Variants in SCN2A observed in about 807,000 individuals in gnomAD.
SCN2A encodes sodium voltage-gated channel alpha subunit 2.
Under a neutral mutation model 188.7 loss-of-function variants are expected in SCN2A, and 20 were observed. The observed-to-expected ratio is 0.11, with a 90% CI of 0.07 to 0.15. The LOEUF is 0.15. Among genes scored for constraint, SCN2A ranks in the 10% least tolerant of loss-of-function variants. SCN2A has a pLI of 1.00. For missense variants in SCN2A, 1,278 were observed against 2,445.0 expected (o/e 0.52, Z 10.07); for synonymous variants, 804 against 833.1 (o/e 0.97, Z 0.60).
intron 1 of SCN2A, chr2:165,293,722 G>A: frequency 2.2e-6 from 1 of 460,020 alleles, no homozygotes; most frequent in Non-Finnish European, 2.9e-6. Context: ...TAAAAAGCAT[G>A]AGGAGAAGCA....
At chr2:165,291,027 T>TTTTCTTTC (rs1454554975) in intron 1 of SCN2A, among the ~76,000 whole-genome samples, 4 of 94,442 alleles carry the variant, frequency 4.2e-5, no homozygotes, top group African/African-American at 1.3e-4. Context: ...TTTTCTTTTC[T>TTTTCTTTC]TTTCTTTCTT....
intron 26 of SCN2A, 88 bp downstream of exon 26, chr2:165,387,104 C>A: frequency 7.6e-7 from 1 of 1,315,114 alleles, no homozygotes; most frequent in Non-Finnish European, 1.1e-6. Context: ...ACTAATCTTT[C>A]TCATTCATCC....
chr2:165,284,624 T>G (rs1695747909), intron 1 of SCN2A, among the ~76,000 whole-genome samples: 1 of 152,208 alleles, frequency 6.6e-6, no homozygotes, highest in South Asian at 2.1e-4. Context: ...GGAAAAATTT[T>G]AGGTAGAAGT....
intron 1 of SCN2A, among the ~76,000 whole-genome samples, chr2:165,278,984 CAGGA>C (rs997863839): frequency 7.3e-5 from 11 of 151,450 alleles, no homozygotes; most frequent in African/African-American, 1.7e-4. Flanking sequence ...GGCAGGCAGG[CAGGA>C]AGGAAGGAAG....
chr2:165,370,733 A>G (rs1700980569), intron 20 of SCN2A: 1 of 175,612 alleles, frequency 5.7e-6, no homozygotes, highest in East Asian at 1.4e-4. Flanking sequence ...TGAAAGTCCA[A>G]AAAGCAAGAG....
intron 13 of SCN2A, 123 bp downstream of exon 13, chr2:165,327,107 T>A (rs1459682963): frequency 7.9e-7 from 1 of 1,270,164 alleles, no homozygotes; most frequent in Non-Finnish European, 1.1e-6. Flanking sequence ...TTTTACTAAA[T>A]AACAGTAAAA....
intron 10 of SCN2A, among the ~76,000 whole-genome samples, chr2:165,314,761 A>G (rs1045383533): frequency 1.3e-5 from 2 of 152,204 alleles, no homozygotes; most frequent in Non-Finnish European, 2.9e-5. Flanking sequence ...GCTTGACTTA[A>G]TGGCATTAAC....
At chr2:165,276,911 C>T (rs896195378) in intron 1 of SCN2A, among the ~76,000 whole-genome samples, 2 of 152,160 alleles carry the variant, frequency 1.3e-5, no homozygotes, top group African/African-American at 4.8e-5. Context: ...CGCGGTGGCT[C>T]ATGCCTATAA....
chr2:165,315,859 A>G (rs1369389842), intron 11 of SCN2A, 101 bp downstream of exon 11: 20 of 1,291,028 alleles, frequency 1.5e-5, no homozygotes, highest in Non-Finnish European at 2.1e-5. Flanking sequence ...GGATGGCACA[A>G]TGCTTTCAGA....
At chr2:165,250,963 C>T (rs529212087) in intron 1 of SCN2A, among the ~76,000 whole-genome samples, 98 of 151,966 alleles carry the variant, frequency 6.4e-4, no homozygotes, top group African/African-American at 2.2e-3. Context: ...TATTAAAGAC[C>T]ATAAGGAGTA....
At chr2:165,362,359 A>G (rs954864789) in intron 17 of SCN2A, among the ~76,000 whole-genome samples, 33 of 152,092 alleles carry the variant, frequency 2.2e-4, no homozygotes, top group Non-Finnish European at 4.7e-4. Context: ...AAGAGAAAAT[A>G]CAGGAATGTC....
chr2:165,258,005 GTTT>G (rs1430883703), intron 1 of SCN2A, among the ~76,000 whole-genome samples: 6 of 146,732 alleles, frequency 4.1e-5, no homozygotes, highest in African/African-American at 5.1e-5. Context: ...TGTTGTTGTT[GTTT>G]TTGTTTTTTG....
chr2:165,303,480 T>C (rs1321008165), intron 3 of SCN2A, among the ~76,000 whole-genome samples: 1 of 152,016 alleles, frequency 6.6e-6, no homozygotes, highest in Non-Finnish European at 1.5e-5. Context: ...TTTCACCGTG[T>C]TAGCCAGGGT....
chr2:165,298,929 AC>A (rs1696647390), intron 3 of SCN2A, among the ~76,000 whole-genome samples: 1 of 143,036 alleles, frequency 7.0e-6, no homozygotes, highest in South Asian at 2.2e-4. Context: ...AGAATCAGAT[AC>A]AAAAAAAGTG....
At chr2:165,326,746 G>C in intron 12 of SCN2A, 106 bp from the exon 13 acceptor site, 1 of 1,238,076 alleles carries the variant, frequency 8.1e-7, no homozygotes, top group Non-Finnish European at 1.2e-6. Flanking sequence ...TTTTACATCT[G>C]AGAAAGCATG....
At chr2:165,256,571 C>T (rs1694337528) in intron 1 of SCN2A, among the ~76,000 whole-genome samples, 2 of 152,274 alleles carry the variant, frequency 1.3e-5, no homozygotes, top group South Asian at 4.1e-4. Flanking sequence ...ATTTAACAAA[C>T]TTAATTTCTG....
intron 17 of SCN2A, among the ~76,000 whole-genome samples, chr2:165,359,480 A>G (rs751870194): frequency 6.6e-6 from 1 of 152,082 alleles, no homozygotes; most frequent in African/African-American, 2.4e-5. Flanking sequence ...AATAGAAGCT[A>G]AGAAGGAACT....
At position 165,327,802 on chromosome 2, in the gene SCN2A, T is replaced by A. The variant is rs1698441040; in HGVS notation, c.2149+818T>A. On this transcript the variant is annotated intron_variant, in intron 13 of 26. Transcript: ENST00000375437. ...AGTTGTTTTGTTGTTGTTATTTTTG[T>A]TAATTCACATGTTTTTGCCTTTCCA... is the stretch of plus-strand genomic sequence containing the variant. 3.9e-5 allele frequency: 6 copies of A among 152,238 alleles called. No homozygotes were observed. The South Asian group carries it at 1.0e-3, about 26-fold the overall frequency. The allele number at this position is 152,238 out of a possible 1,614,324, so 9.4% of individuals were successfully genotyped here. A position where few individuals can be genotyped will look rare whatever the true frequency, so the allele number is the denominator to read the frequency against.
chr2:165,382,670 T>G (rs1558881060), intron 25 of SCN2A, among the ~76,000 whole-genome samples: 4 of 152,088 alleles, frequency 2.6e-5, no homozygotes, highest in Admixed American at 1.3e-4. Flanking sequence ...GAATCTAAAA[T>G]ATAAGCTAGT....
Sources: allele counts gnomAD v4.1 joint callset (sites outside exome capture counted in the v4.1 genomes callset), GRCh38; gene constraint gnomAD v4.1.1; transcripts MANE v1.5; gene names NCBI Gene and HGNC (gene_info 2026-07-23, HGNC 2026-07-21).